The following FARP1 variants were observed in gnomAD, a reference collection of about 807,000 sequenced individuals.
FARP1 encodes FERM, ARHGEF and pleckstrin domain-containing protein 1.
A neutral mutation model predicts 128.8 loss-of-function variants in FARP1; 52 were observed. That is an observed-to-expected ratio of 0.40 (90% CI 0.32 to 0.51). The LOEUF is 0.51. Among genes scored for constraint, FARP1 ranks in the 20% least tolerant of loss-of-function variants. FARP1 has a pLI of 0.45. For missense variants in FARP1, 1,333 were observed against 1,367.9 expected (o/e 0.97, Z 0.40); for synonymous variants, 580 against 551.8 (o/e 1.05, Z -0.72).
At chr13:98,218,210 G>A (rs768905310) in intron 2 of FARP1, among the ~76,000 whole-genome samples, 32 of 133,988 alleles carry the variant, frequency 2.4e-4, no homozygotes, top group Middle Eastern at 4.1e-3. Flanking sequence ...TCCTCACCCC[G>A]AACACATTGA....
intron 16 of FARP1, among the ~76,000 whole-genome samples, chr13:98,418,633 C>T (rs188209232): frequency 2.7e-4 from 41 of 152,252 alleles, no homozygotes; most frequent in African/African-American, 9.4e-4. Context: ...CTGCCTTAGT[C>T]GTGACTATAT....
intron 16 of FARP1, among the ~76,000 whole-genome samples, chr13:98,418,438 C>T (rs927334996): frequency 6.6e-6 from 1 of 152,106 alleles, no homozygotes; most frequent in African/African-American, 2.4e-5. Flanking sequence ...CCACACCTGG[C>T]TAATTTTTGT....
At chr13:98,263,459 C>T (rs1469925519) in intron 2 of FARP1, among the ~76,000 whole-genome samples, 1 of 152,164 alleles carries the variant, frequency 6.6e-6, no homozygotes, top group African/African-American at 2.4e-5. Flanking sequence ...TGTCATTACT[C>T]TTGTATCATC....
rs1285063366 is a variant in FARP1 at position 98,199,690 on chromosome 13, G to T, written c.-23-13530G>T. ...CTTTCCTTAGTGAGTGGAAGAGAATGATGTGTGTTAAGTCGAGTGAGGTTG... is the reference window on the plus strand; with the variant it reads ...CTTTCCTTAGTGAGTGGAAGAGAATTATGTGTGTTAAGTCGAGTGAGGTTG... On this transcript the variant is annotated intron_variant, in intron 1 of 26. Transcript: ENST00000319562. 2.0e-5 allele frequency among the ~76,000 whole-genome samples: 3 copies of T among 152,206 alleles called. No homozygotes were observed. The East Asian group carries it at 5.8e-4, about 29-fold the overall frequency.
chr13:98,275,629 T>TC (rs1491458403), intron 2 of FARP1, among the ~76,000 whole-genome samples: 64 of 56,220 alleles, frequency 1.1e-3, no homozygotes, highest in African/African-American at 5.1e-3. Flanking sequence ...TCTTTCTCTC[T>TC]TTTTTTTTTT....
intron 2 of FARP1, among the ~76,000 whole-genome samples, chr13:98,264,011 T>C (rs1274597475): frequency 6.6e-6 from 1 of 152,212 alleles, no homozygotes; most frequent in Non-Finnish European, 1.5e-5. Flanking sequence ...ATTGAATAAG[T>C]CACCATTCAT....
intron 15 of FARP1, 123 bp downstream of exon 15, chr13:98,410,946 G>A: frequency 2.0e-6 from 1 of 503,510 alleles, no homozygotes; most frequent in Admixed American, 3.4e-5. Flanking sequence ...AAAGGATTGT[G>A]GTCCTAGGGT....
At chr13:98,365,867 C>T (rs1889057958) in intron 4 of FARP1, among the ~76,000 whole-genome samples, 1 of 145,520 alleles carries the variant, frequency 6.9e-6, no homozygotes, top group African/African-American at 2.6e-5. Flanking sequence ...AAAGAGTGGC[C>T]GAAAGTGTGA....
chr13:98,333,634 G>A (rs1887611074), intron 2 of FARP1: 1 of 152,304 alleles, frequency 6.6e-6, no homozygotes, highest in African/African-American at 2.4e-5. Flanking sequence ...AATCTGAAGT[G>A]TGTTTAACGA....
intron 2 of FARP1, among the ~76,000 whole-genome samples, chr13:98,222,766 T>C (rs1881495044): frequency 6.6e-6 from 1 of 150,796 alleles, no homozygotes; most frequent in Non-Finnish European, 1.5e-5. Flanking sequence ...GGACTAGGAC[T>C]GCAGGCGTGC....
rs551093817 is a variant in FARP1 at position 98,260,482 on chromosome 13, C to G, written c.171+47069C>G. On this transcript the variant is annotated intron_variant, in intron 2 of 26. Transcript: ENST00000319562. ...CAGATATCCATTCCTCCCTGGTTAC[C>G]TCTGCAGCATCTGAAAGACCCAGTC... 9.9e-5 allele frequency among the ~76,000 whole-genome samples: 15 copies of G among 152,250 alleles called. No homozygotes were observed. In the South Asian group the frequency reaches 1.9e-3, roughly 19 times the overall value.
chr13:98,421,447 G>A (rs916642491), intron 16 of FARP1, among the ~76,000 whole-genome samples: 9 of 152,034 alleles, frequency 5.9e-5, no homozygotes, highest in South Asian at 4.1e-4. Flanking sequence ...TTCTTCTCCC[G>A]CAATCCAGAC....
chr13:98,435,429 G>A (rs1892216376), intron 18 of FARP1, 147 bp from the exon 19 acceptor site: 2 of 710,624 alleles, frequency 2.8e-6, no homozygotes, highest in Non-Finnish European at 4.5e-6. Context: ...TTATTATAGA[G>A]AAATAGCACT....
chr13:98,242,484 T>G (rs1882830514), intron 2 of FARP1, among the ~76,000 whole-genome samples: 1 of 152,136 alleles, frequency 6.6e-6, no homozygotes, highest in African/African-American at 2.4e-5. Flanking sequence ...GAGACCAGCC[T>G]GGGCAACATA....
At chr13:98,337,040 C>A (rs986268405) in intron 2 of FARP1, among the ~76,000 whole-genome samples, 39 of 152,060 alleles carry the variant, frequency 2.6e-4, no homozygotes, top group African/African-American at 9.4e-4. Context: ...AGATCTACCC[C>A]CAGCCCCAGC....
Position 98,448,263 on chromosome 13 carries a change from C to T in FARP1, c.3084C>T (p.Thr1028=), listed in dbSNP as rs749982679. The T allele has an allele frequency of 6.2e-7, 1 of 1,614,064 alleles. No individual in the cohort carries two copies. Among genetic ancestry groups the T allele is most frequent in the Non-Finnish European group, 8.5e-7 (1 of 1,179,904 alleles). Residue 1028 remains threonine (T), a synonymous_variant, in exon 27 of 27, where the codon ACC becomes ACT. Transcript: ENST00000319562. ...ERWMEVIRSA[T]SSASRPHVLS... is the part of the protein sequence containing the mutation. ...GGATGGAAGTGATCCGCAGTGCCAC[C>T]AGCTCTGCCTCGCGACCCCACGTGT...
At chr13:98,353,756 C>T (rs1373069619) in intron 3 of FARP1, among the ~76,000 whole-genome samples, 2 of 152,096 alleles carry the variant, frequency 1.3e-5, no homozygotes, top group Non-Finnish European at 2.9e-5. Context: ...AGGTATACAG[C>T]AGAATAAGCA....
At chr13:98,216,852 C>T (rs1258765448) in intron 2 of FARP1, among the ~76,000 whole-genome samples, 4 of 152,178 alleles carry the variant, frequency 2.6e-5, no homozygotes, top group East Asian at 1.9e-4. Flanking sequence ...AAAGTTCAAG[C>T]GCAGTATTTA....
At chr13:98,333,913 A>G (rs1051751310) in intron 2 of FARP1, 5 of 151,624 alleles carry the variant, frequency 3.3e-5, no homozygotes, top group African/African-American at 1.2e-4. Context: ...TCAGCTTTTG[A>G]GTCATTTAAT....
Sources: gnomAD v4.1 joint callset for allele counts (sites outside exome capture counted in the v4.1 genomes callset) on GRCh38, gnomAD v4.1.1 for gene constraint, MANE v1.5 for transcripts, NCBI Gene and HGNC (gene_info 2026-07-23, HGNC 2026-07-21) for gene names.